The following OR3A2 variants were observed in gnomAD, a reference collection of about 807,000 sequenced individuals.
The protein encoded by OR3A2 is olfactory receptor 3A2.
For synonymous variants in OR3A2, 126 were observed against 159.3 expected, an observed-to-expected ratio of 0.79 and a Z score of 1.57; for missense variants, 318 against 392.8, an observed-to-expected ratio of 0.81 and a Z score of 1.61.
At chr17:3,279,274 T>C in intron 1 of OR3A2, 121 bp from the exon 4 acceptor site, 1 of 326,740 alleles carries the variant, frequency 3.1e-6, no homozygotes, top group Non-Finnish European at 5.6e-6. Flanking sequence ...GATGAATATG[T>C]TAATTTGTTT....
rs1275665332 is a variant in OR3A2 at position 3,356,278 on chromosome 17, T to C, written c.-178-20152A>G. Among the ~76,000 whole-genome samples the C allele has an allele frequency of 7.9e-5, 12 of 151,670 alleles. No homozygotes were observed. In the South Asian group the frequency reaches 1.0e-3, roughly 13 times the overall value. On this transcript the variant is annotated intron_variant, in intron 2 of 4. Coordinates refer to the OR3A2 transcript ENST00000573491. The stretch of plus-strand genomic sequence containing the variant: ...TTGAGTAGTTTACACACCACAGTTA[T>C]AGTGTTTTAAGATTCTGTTTTTCCA...
intron 2 of OR3A2, among the ~76,000 whole-genome samples, chr17:3,379,549 C>T (rs2049715686): frequency 6.6e-6 from 1 of 152,180 alleles, no homozygotes. Context: ...TTCCTCTCCT[C>T]CCCCAGGTTC....
exon 2 of OR3A2, chr17:3,277,961 C>T (rs1221722963): frequency 6.3e-7 from 1 of 1,585,210 alleles, no homozygotes; most frequent in Non-Finnish European, 8.6e-7. Flanking sequence ...GGAGGGACCC[C>T]ATTACCTCTC....
At chr17:3,369,487 A>G (rs1289010167) in intron 2 of OR3A2, among the ~76,000 whole-genome samples, 1 of 152,204 alleles carries the variant, frequency 6.6e-6, no homozygotes, top group Non-Finnish European at 1.5e-5. Flanking sequence ...GCATCTATTG[A>G]GATGATCATA....
At chr17:3,318,723 T>C (rs537601212) in intron 3 of OR3A2, among the ~76,000 whole-genome samples, 3 of 152,314 alleles carry the variant, frequency 2.0e-5, no homozygotes, top group East Asian at 1.9e-4. Context: ...TTAAGAACCA[T>C]AATTTGATGT....
intron 3 of OR3A2, among the ~76,000 whole-genome samples, chr17:3,303,061 C>T (rs1407356170): frequency 6.6e-6 from 1 of 151,902 alleles, no homozygotes; most frequent in East Asian, 1.9e-4. Flanking sequence ...ACATGGTGGC[C>T]AATAGATCAG....
At chr17:3,335,510 CAT>C (rs1407601301) in intron 3 of OR3A2, among the ~76,000 whole-genome samples, 20 of 152,100 alleles carry the variant, frequency 1.3e-4, no homozygotes, top group Non-Finnish European at 2.9e-4. Flanking sequence ...TTAATTTATG[CAT>C]ATATTAAATT....
chr17:3,350,163 G>A (rs1221334068), intron 2 of OR3A2, among the ~76,000 whole-genome samples: 1 of 151,446 alleles, frequency 6.6e-6, no homozygotes, highest in East Asian at 1.9e-4. Flanking sequence ...GCTAGCAGAA[G>A]GCAAGAAATA....
intron 3 of OR3A2, among the ~76,000 whole-genome samples, chr17:3,306,370 T>C (rs1057373908): frequency 6.6e-6 from 1 of 152,066 alleles, no homozygotes; most frequent in African/African-American, 2.4e-5. Context: ...CTAGAACGCC[T>C]GGCCTCAAGC....
chr17:3,355,644 CTT>C (rs890573142), intron 2 of OR3A2, among the ~76,000 whole-genome samples: 2 of 151,200 alleles, frequency 1.3e-5, no homozygotes, highest in African/African-American at 4.9e-5. Context: ...TACTTCTGCT[CTT>C]TTTTGGTTTT....
At chr17:3,336,943 C>A (rs1053358688) in intron 2 of OR3A2, among the ~76,000 whole-genome samples, 1 of 152,178 alleles carries the variant, frequency 6.6e-6, no homozygotes, top group Non-Finnish European at 1.5e-5. Context: ...ACCCCTTTGA[C>A]TGTGTTCTCC....
At chr17:3,304,545 A>C (rs1489066260) in intron 3 of OR3A2, among the ~76,000 whole-genome samples, 1 of 152,176 alleles carries the variant, frequency 6.6e-6, no homozygotes, top group Non-Finnish European at 1.5e-5. Flanking sequence ...ACTGCTTCAT[A>C]GATTTTGTTT....
intron 3 of OR3A2, among the ~76,000 whole-genome samples, chr17:3,294,360 A>G (rs959765533): frequency 6.6e-6 from 1 of 152,034 alleles, no homozygotes; most frequent in African/African-American, 2.4e-5. Flanking sequence ...CAATACATGG[A>G]AAAAAATTAG....
At position 3,331,259 on chromosome 17, in the gene OR3A2, C is replaced by T. The variant is rs2049230364; in HGVS notation, c.-85+4774G>A. ...TGTATTTCCTGAATCTGAACGTTGG[C>T]CTGCCTTGCTAGATTGGGGAAGTTC... On this transcript the variant is annotated intron_variant, in intron 3 of 4. Coordinates refer to the OR3A2 transcript ENST00000573491. 3.3e-5 allele frequency among the ~76,000 whole-genome samples: 5 copies of T among 151,946 alleles called. 1 individual carries two copies. The South Asian group carries it at 8.3e-4, about 25-fold the overall frequency.
intron 3 of OR3A2, among the ~76,000 whole-genome samples, chr17:3,321,016 G>T (rs897847775): frequency 1.4e-4 from 21 of 152,128 alleles, no homozygotes; most frequent in African/African-American, 5.1e-4. Context: ...CATGAGCATG[G>T]AATGTGTTTC....
At chr17:3,344,772 C>G (rs997002584) in intron 2 of OR3A2, among the ~76,000 whole-genome samples, 2 of 152,166 alleles carry the variant, frequency 1.3e-5, no homozygotes, top group East Asian at 3.9e-4. Flanking sequence ...ACCAAATCCT[C>G]CAGTTATAGC....
intron 2 of OR3A2, among the ~76,000 whole-genome samples, chr17:3,369,486 G>C (rs1429916898): frequency 1.3e-5 from 2 of 152,166 alleles, no homozygotes; most frequent in Non-Finnish European, 2.9e-5. Context: ...TGCATCTATT[G>C]AGATGATCAT....
rs2048785204 is a variant in OR3A2, at chr17:3,282,749, G to A, written c.-7+1609C>T. 3.3e-5 allele frequency among the ~76,000 whole-genome samples: 5 copies of A among 152,322 alleles called. No individual in the cohort carries two copies. In the South Asian group the frequency reaches 1.0e-3, roughly 32 times the overall value. On this transcript the variant is annotated intron_variant, in intron 1 of 1. Transcript: ENST00000642052. ...CAAATCAACAAATCAAAGGGTGATAGCTCTTTACATATGTTATATTAAAGG... is the reference window on the plus strand; with the variant it reads ...CAAATCAACAAATCAAAGGGTGATAACTCTTTACATATGTTATATTAAAGG...
At chr17:3,367,173 C>T (rs2049571228) in intron 2 of OR3A2, among the ~76,000 whole-genome samples, 1 of 152,086 alleles carries the variant, frequency 6.6e-6, no homozygotes, top group African/African-American at 2.4e-5. Flanking sequence ...CTTCCATTTA[C>T]AAGTTCTGTG....
Sources: allele counts gnomAD v4.1 joint callset (sites outside exome capture counted in the v4.1 genomes callset), GRCh38; gene constraint gnomAD v4.1.1; transcripts MANE v1.5; gene names NCBI Gene and HGNC (gene_info 2026-07-23, HGNC 2026-07-21).